KLRD1: variants seen among roughly 807,000 people sequenced by gnomAD.
KLRD1 encodes natural killer cells antigen CD94.
Under a neutral mutation model 22.6 loss-of-function variants are expected in KLRD1, and 21 were observed. That is an observed-to-expected ratio of 0.93 (90% CI 0.66 to 1.34). The LOEUF is 1.34. Ranked by LOEUF, KLRD1 falls within the 40% of genes most tolerant of loss-of-function variation. The probability of loss-of-function intolerance (pLI) is 0.00; values close to 1 mark genes in which losing one functional copy is unlikely to be tolerated. For missense variants in KLRD1, 183 were observed against 208.6 expected (o/e 0.88, Z 0.76); for synonymous variants, 59 against 71.1 (o/e 0.83, Z 0.85).
At chr12:10,302,938 T>C (rs897438706), upstream of KLRD1, among the ~76,000 whole-genome samples, 6 of 152,204 alleles carry the variant, frequency 3.9e-5, no homozygotes, top group African/African-American at 1.4e-4. Flanking sequence ...CGTGACCTTT[T>C]TATTAGTTTG....
intron 1 of KLRD1, among the ~76,000 whole-genome samples, chr12:10,244,983 AATT>A: frequency 6.6e-6 from 1 of 152,200 alleles, no homozygotes; most frequent in East Asian, 1.9e-4. Context: ...TAGCTCAAAT[AATT>A]ATTGTCATAA....
rs745646989 is a variant in KLRD1 at position 10,325,638 on chromosome 12, TATTTC to T, written c.*10850_*10854del. ...TATAGTATTTATCCTGTGACTTGTT[TATTTC>T]ATTTAGCATAATGTCCTCAAGTTTC... On this transcript the variant is annotated 3_prime_UTR_variant, in exon 6 of 6. Transcript: ENST00000336164. 10 of 152,236 alleles carry T rather than the reference TATTTC, an allele frequency of 6.6e-5. No homozygotes were observed. Among genetic ancestry groups the T allele is most frequent in the Non-Finnish European group, 1.2e-4 (8 of 68,036 alleles). 9.4% of individuals were successfully genotyped at this position (152,236 alleles called of 1,614,324 possible). A position where few individuals can be genotyped will look rare whatever the true frequency, so the allele number is the denominator to read the frequency against.
chr12:10,309,753 C>T, intron 3 of KLRD1, 65 bp downstream of exon 3: 2 of 1,122,736 alleles, frequency 1.8e-6, no homozygotes, highest in Non-Finnish European at 2.7e-6. Context: ...TCTTGTTTTT[C>T]ACACAGAGAG....
At chr12:10,242,088 T>TTTTTTC (rs1949247330) in intron 1 of KLRD1, among the ~76,000 whole-genome samples, 2 of 150,470 alleles carry the variant, frequency 1.3e-5, no homozygotes, top group Non-Finnish European at 3.0e-5. Flanking sequence ...TTTTTTTTTT[T>TTTTTTC]TTCAGAGAAG....
rs200958991 is a variant in KLRD1 at position 10,271,820 on chromosome 12, CA to C, written c.-100-36157del. Among the ~76,000 whole-genome samples the C allele has an allele frequency of 7.9e-3, 1,185 of 149,564 alleles. 12 individuals are homozygous for C. The highest frequency in any genetic ancestry group is 0.013 in the Non-Finnish European group (878 of 67,864). ...CATAAGAAAGTTTTAAAATTGGCTCCATTTTTTTTTGCTTTGTGAAATGTGG... is the reference window on the plus strand; with the variant it reads ...CATAAGAAAGTTTTAAAATTGGCTCCTTTTTTTTTGCTTTGTGAAATGTGG... On this transcript the variant is annotated intron_variant, in intron 1 of 5. Transcript: ENST00000544747.
upstream of KLRD1, among the ~76,000 whole-genome samples, chr12:10,302,670 T>C (rs1229170558): frequency 2.0e-5 from 3 of 151,576 alleles, no homozygotes; most frequent in Non-Finnish European, 4.4e-5. Flanking sequence ...CATAAGGGTA[T>C]AGAAAATGGT....
intron 1 of KLRD1, among the ~76,000 whole-genome samples, chr12:10,243,636 G>GAAAAAAAAAAAAAAAA (rs1949263487): frequency 8.0e-6 from 1 of 124,394 alleles, no homozygotes; most frequent in African/African-American, 3.1e-5. Context: ...AAAAAAAACC[G>GAAAAAAAAAAAAAAAA]AAATGAAAGA....
chr12:10,261,050 T>C (rs1043369264), intron 1 of KLRD1, among the ~76,000 whole-genome samples: 2 of 152,238 alleles, frequency 1.3e-5, no homozygotes, highest in Non-Finnish European at 2.9e-5. Flanking sequence ...CATTTTTTGT[T>C]TGCTCTTGCT....
At chr12:10,268,021 G>C (rs754628886) in intron 1 of KLRD1, among the ~76,000 whole-genome samples, 1 of 152,178 alleles carries the variant, frequency 6.6e-6, no homozygotes, top group Non-Finnish European at 1.5e-5. Flanking sequence ...TGAATCCACA[G>C]TGTTAAGAAA....
chr12:10,275,223 C>T (rs781077635), intron 1 of KLRD1, among the ~76,000 whole-genome samples: 1 of 152,042 alleles, frequency 6.6e-6, no homozygotes, highest in Admixed American at 6.6e-5. Flanking sequence ...TTTGTTCCTA[C>T]TGGTTCTTTT....
intron 1 of KLRD1, among the ~76,000 whole-genome samples, chr12:10,271,649 C>T (rs952121745): frequency 6.6e-6 from 1 of 152,074 alleles, no homozygotes; most frequent in Non-Finnish European, 1.5e-5. Flanking sequence ...GTATATTATA[C>T]TTTCCTCAGA....
chr12:10,284,788 C>T (rs1160758408), intron 1 of KLRD1, among the ~76,000 whole-genome samples: 2 of 151,964 alleles, frequency 1.3e-5, no homozygotes. Flanking sequence ...AGTTCGAGAC[C>T]AGCCTCAACG....
In KLRD1 at chr12:10,323,930, C is replaced by T. The variant is rs193121041; in HGVS notation, c.*9137C>T. On this transcript the variant is annotated 3_prime_UTR_variant, in exon 6 of 6. Coordinates refer to ENST00000336164, the MANE Select transcript of KLRD1 (RefSeq NM_002262.5). ...AGATTAGAGTGCAGTGGTGTGATCT[C>T]AGCTCACTGCAACCTTCACCACCTG... is the stretch of plus-strand genomic sequence containing the variant. 4 of 124,018 alleles carry T rather than the reference C, an allele frequency of 3.2e-5. No individual in the cohort carries two copies. Among genetic ancestry groups the T allele is most frequent in the African/African-American group, 5.7e-5 (2 of 34,868 alleles). The allele number at this position is 124,018 out of a possible 1,614,324, so 7.7% of individuals were successfully genotyped here. A position where few individuals can be genotyped will look rare whatever the true frequency, so the allele number is the denominator to read the frequency against.
chr12:10,309,206 C>A, intron 1 of KLRD1, 182 bp from the exon 2 acceptor site: 1 of 504,350 alleles, frequency 2.0e-6, no homozygotes, highest in Non-Finnish European at 3.5e-6. Flanking sequence ...TAAGATACAT[C>A]ACATAAAAAT....
At chr12:10,244,144 G>A (rs1949268537) in intron 1 of KLRD1, among the ~76,000 whole-genome samples, 1 of 152,026 alleles carries the variant, frequency 6.6e-6, no homozygotes, top group Non-Finnish European at 1.5e-5. Context: ...TTGGTAAGGT[G>A]GTTCTGAAGC....
rs750696767 is a variant in KLRD1, at chr12:10,324,818, G to GTGTGTGTGTGTATATA, written c.*10026_*10027insGTGTGTGTGTATATAT. ...AGTATATATGTATATGTGTGTGTGT[G>GTGTGTGTGTGTATATA]TATATATATATATATATATATATAT... On this transcript the variant is annotated 3_prime_UTR_variant, in exon 6 of 6. Coordinates refer to ENST00000336164, the MANE Select transcript of KLRD1 (RefSeq NM_002262.5). The GTGTGTGTGTGTATATA allele has an allele frequency of 6.9e-4, 51 of 74,154 alleles. No individual in the cohort carries two copies. Among genetic ancestry groups the GTGTGTGTGTGTATATA allele is most frequent in the Admixed American group, 5.3e-3 (25 of 4,736 alleles). 4.6% of individuals were successfully genotyped at this position (74,154 alleles called of 1,614,324 possible). A position where few individuals can be genotyped will look rare whatever the true frequency, so the allele number is the denominator to read the frequency against.
chr12:10,256,687 A>G (rs946322644), intron 1 of KLRD1, among the ~76,000 whole-genome samples: 2 of 151,946 alleles, frequency 1.3e-5, no homozygotes, highest in African/African-American at 2.4e-5. Flanking sequence ...TTATTAATTT[A>G]TTCAATTGCT....
chr12:10,262,790 C>G (rs898150423), intron 1 of KLRD1, among the ~76,000 whole-genome samples: 13 of 150,390 alleles, frequency 8.6e-5, no homozygotes, highest in African/African-American at 2.9e-4. Context: ...AAATTTCTTA[C>G]ACACAATTTA....
At position 10,323,496 on chromosome 12, in the gene KLRD1, T is replaced by C. The variant is rs906123829; in HGVS notation, c.*8703T>C. 2 of 152,118 alleles carry C rather than the reference T, an allele frequency of 1.3e-5. No homozygotes were observed. Among genetic ancestry groups the C allele is most frequent in the East Asian group, 3.8e-4 (2 of 5,202 alleles). 9.4% of individuals were successfully genotyped at this position (152,118 alleles called of 1,614,324 possible). A position where few individuals can be genotyped will look rare whatever the true frequency, so the allele number is the denominator to read the frequency against. On this transcript the variant is annotated 3_prime_UTR_variant, in exon 6 of 6. Transcript: ENST00000336164. The stretch of plus-strand genomic sequence containing the variant: ...GCTTGTTTAAGCTTTTAGCCATTAT[T>C]TATTTTTAACAGCGCTGTTGCAGTA...
Sources: gnomAD v4.1 joint callset for allele counts (sites outside exome capture counted in the v4.1 genomes callset) on GRCh38, gnomAD v4.1.1 for gene constraint, MANE v1.5 for transcripts, NCBI Gene and HGNC (gene_info 2026-07-23, HGNC 2026-07-21) for gene names.